The following PDK1 variants were observed in gnomAD, a reference collection of about 807,000 sequenced individuals.
PDK1 encodes the protein [Pyruvate dehydrogenase (acetyl-transferring)] kinase isozyme 1, mitochondrial.
PDK1 carries 39 observed loss-of-function variants against 54.2 expected under a neutral mutation model. The observed-to-expected ratio is 0.72, with a 90% CI of 0.56 to 0.94. The LOEUF (loss-of-function observed/expected upper bound fraction) is 0.94, where lower values mean the gene tolerates loss of function less well. Among genes scored for constraint, PDK1 ranks in the 40% least tolerant of loss-of-function variants. The pLI, the probability that PDK1 is intolerant of heterozygous loss-of-function variation, is 0.00. For missense variants in PDK1, 552 were observed against 566.0 expected (o/e 0.98, Z 0.25); for synonymous variants, 221 against 207.1 (o/e 1.07, Z -0.58).
the PDK1 span, among the ~76,000 whole-genome samples, chr2:172,719,025 G>C: frequency 3.9e-5 from 6 of 152,064 alleles, no homozygotes; most frequent in Non-Finnish European, 2.9e-5. Context: ...TCTATTTACT[G>C]TCTTTATAAT....
At chr2:172,628,598 G>A in the PDK1 span, among the ~76,000 whole-genome samples, 2 of 151,932 alleles carry the variant, frequency 1.3e-5, no homozygotes, top group African/African-American at 4.8e-5. Context: ...AACTATTTCT[G>A]GGTGAGTTGA....
chr2:172,638,860 C>T, the PDK1 span, among the ~76,000 whole-genome samples: 1 of 152,140 alleles, frequency 6.6e-6, no homozygotes, highest in Admixed American at 6.5e-5. Flanking sequence ...ATTAAACGTT[C>T]TTACATTTGC....
the PDK1 span, among the ~76,000 whole-genome samples, chr2:172,719,086 A>G: frequency 2.6e-5 from 4 of 152,158 alleles, no homozygotes; most frequent in African/African-American, 9.7e-5. Flanking sequence ...TAGCTCCTCT[A>G]GTCTTTTTCC....
the PDK1 span, among the ~76,000 whole-genome samples, chr2:172,644,776 A>G: frequency 2.0e-5 from 3 of 152,188 alleles, no homozygotes; most frequent in Non-Finnish European, 2.9e-5. Flanking sequence ...AATTTTAATA[A>G]CTTTTCATCT....
chr2:172,724,286 AT>A, the PDK1 span: 1 of 125,984 alleles, frequency 7.9e-6, no homozygotes, highest in African/African-American at 3.2e-5. Flanking sequence ...CAGGATCTTA[AT>A]AAAAGTGAGT....
intron 8 of PDK1, among the ~76,000 whole-genome samples, chr2:172,579,265 T>G (rs1177710523): frequency 2.0e-5 from 3 of 152,132 alleles, no homozygotes; most frequent in Admixed American, 1.3e-4. Context: ...GCAAGACTTT[T>G]GTACTGGGGA....
the PDK1 span, among the ~76,000 whole-genome samples, chr2:172,712,171 C>T: frequency 6.6e-6 from 1 of 152,040 alleles, no homozygotes; most frequent in Non-Finnish European, 1.5e-5. Flanking sequence ...TTTCAGTTTC[C>T]CCTGTAATAA....
chr2:172,689,896 C>T, the PDK1 span, among the ~76,000 whole-genome samples: 2 of 150,090 alleles, frequency 1.3e-5, no homozygotes, highest in South Asian at 4.3e-4. Flanking sequence ...CCATAAAAAC[C>T]CTAGAAGAAA....
chr2:172,609,298 T>C (rs1469886898), downstream of PDK1, among the ~76,000 whole-genome samples: 1 of 152,230 alleles, frequency 6.6e-6, no homozygotes, highest in African/African-American at 2.4e-5. Context: ...AGCGCTGCTG[T>C]ACATTGGTCA....
chr2:172,704,861 G>A, the PDK1 span, among the ~76,000 whole-genome samples: 20 of 152,246 alleles, frequency 1.3e-4, no homozygotes, highest in Admixed American at 2.0e-4. Context: ...ACTTTTCCCC[G>A]TACTCTTGAG....
the PDK1 span, among the ~76,000 whole-genome samples, chr2:172,665,868 G>C: frequency 3.3e-5 from 5 of 152,172 alleles, no homozygotes; most frequent in Admixed American, 2.6e-4. Context: ...AAAGCCCTTT[G>C]CCCTATTCCT....
the PDK1 span, among the ~76,000 whole-genome samples, chr2:172,634,948 T>A: frequency 6.6e-6 from 1 of 152,184 alleles, no homozygotes; most frequent in African/African-American, 2.4e-5. Context: ...AATGTCAACA[T>A]TCTTTATTCC....
At chr2:172,660,393 A>G in the PDK1 span, among the ~76,000 whole-genome samples, 1 of 150,640 alleles carries the variant, frequency 6.6e-6, no homozygotes, top group Non-Finnish European at 1.5e-5. Context: ...AGTAGCTGGG[A>G]CTGCAGGTGC....
chr2:172,684,002 G>C, the PDK1 span, among the ~76,000 whole-genome samples: 1 of 152,232 alleles, frequency 6.6e-6, no homozygotes, highest in Non-Finnish European at 1.5e-5. Flanking sequence ...CCAGGAAAGA[G>C]ATTTTTATAG....
At chr2:172,586,052 G>C (rs575864329) in intron 8 of PDK1, among the ~76,000 whole-genome samples, 2 of 151,868 alleles carry the variant, frequency 1.3e-5, no homozygotes, top group South Asian at 2.1e-4. Context: ...CCAGTTACTC[G>C]GGAGGCTGAG....
the PDK1 span, among the ~76,000 whole-genome samples, chr2:172,695,054 G>A: frequency 6.6e-6 from 1 of 152,120 alleles, no homozygotes; most frequent in African/African-American, 2.4e-5. Context: ...GGAGTCAGAG[G>A]CTGCAGTGAG....
the PDK1 span, among the ~76,000 whole-genome samples, chr2:172,653,743 G>A: frequency 1.3e-5 from 2 of 152,096 alleles, no homozygotes; most frequent in African/African-American, 2.4e-5. Context: ...AACACCAAAA[G>A]CAATGGCAAT....
chr2:172,676,975 A>ACTGAAGG, the PDK1 span, among the ~76,000 whole-genome samples: 1 of 152,172 alleles, frequency 6.6e-6, no homozygotes, highest in Admixed American at 6.5e-5. Context: ...ATTACAACTC[A>ACTGAAGG]CTGAAGGCTC....
chr2:172,698,877 A>G, the PDK1 span, among the ~76,000 whole-genome samples: 1 of 152,148 alleles, frequency 6.6e-6, no homozygotes, highest in Admixed American at 6.5e-5. Context: ...TGTTTCTTAG[A>G]AGCTCCTCAG....
Sources: gnomAD v4.1 joint callset for allele counts (sites outside exome capture counted in the v4.1 genomes callset) on GRCh38, gnomAD v4.1.1 for gene constraint, MANE v1.5 for transcripts, NCBI Gene and HGNC (gene_info 2026-07-23, HGNC 2026-07-21) for gene names.